The following ARHGEF10 variants were observed in gnomAD, a reference collection of about 807,000 sequenced individuals.
The protein encoded by ARHGEF10 is Rho guanine nucleotide exchange factor (GEF) 10.
ARHGEF10 carries 140 observed loss-of-function variants against 147.4 expected under a neutral mutation model. The ratio of observed to expected loss-of-function variants is 0.95; its 90% CI spans 0.83 to 1.09. The LOEUF (loss-of-function observed/expected upper bound fraction) is 1.09. ARHGEF10 is among the 50% of genes least tolerant of loss of function. The probability of loss-of-function intolerance (pLI) is 0.00; values close to 1 mark genes in which losing one functional copy is unlikely to be tolerated. For synonymous variants in ARHGEF10, 902 were observed against 695.8 expected (o/e 1.30, Z -4.67); for missense variants, 2,222 against 1,752.7 (o/e 1.27, Z -4.78).
chr8:1,888,515 T>G (rs1809001943), intron 11 of ARHGEF10, among the ~76,000 whole-genome samples: 2 of 97,606 alleles, frequency 2.0e-5, no homozygotes, highest in South Asian at 3.4e-4. Context: ...AGATACTGAG[T>G]GGGGTGAGGG....
At chr8:1,856,233 C>G (rs1805545058) in intron 2 of ARHGEF10, among the ~76,000 whole-genome samples, 1 of 152,170 alleles carries the variant, frequency 6.6e-6, no homozygotes, top group Admixed American at 6.5e-5. Flanking sequence ...TTTCTGAATC[C>G]TTTTTCTTGA....
At chr8:1,893,928 C>G (rs966242406) in intron 12 of ARHGEF10, among the ~76,000 whole-genome samples, 1 of 152,030 alleles carries the variant, frequency 6.6e-6, no homozygotes, top group Non-Finnish European at 1.5e-5. Flanking sequence ...AATCCTAGCA[C>G]TTTGGGAGGC....
At position 1,958,139 on chromosome 8, in the gene ARHGEF10, CT is replaced by C. The variant is rs1423294686; in HGVS notation, c.*877del. The C allele has an allele frequency of 6.6e-6, 1 of 152,246 alleles. No individual in the cohort carries two copies. The highest frequency in any genetic ancestry group is 2.4e-5 in the African/African-American group (1 of 41,452). 9.4% of individuals were successfully genotyped at this position (152,246 alleles called of 1,614,324 possible). ...AGTTCCTTCGTGCAGCTTCTTGCCCCTGTTGACGTGGAATGCTGTGTCTGCT... is the reference window on the plus strand; with the variant it reads ...AGTTCCTTCGTGCAGCTTCTTGCCCCGTTGACGTGGAATGCTGTGTCTGCT... On this transcript the variant is annotated 3_prime_UTR_variant, in exon 29 of 29. Transcript: ENST00000349830.
At chr8:1,911,376 C>G (rs1003180323) in intron 18 of ARHGEF10, among the ~76,000 whole-genome samples, 3 of 152,130 alleles carry the variant, frequency 2.0e-5, no homozygotes, top group African/African-American at 7.2e-5. Flanking sequence ...TGCCCAATGC[C>G]TTAAACAGAG....
At chr8:1,906,950 C>T (rs1810942880) in intron 17 of ARHGEF10, among the ~76,000 whole-genome samples, 1 of 152,140 alleles carries the variant, frequency 6.6e-6, no homozygotes, top group South Asian at 2.1e-4. Context: ...GAGAAAGAAC[C>T]CTGTTCATTT....
rs868347550 is a variant in ARHGEF10, at chr8:1,919,952, T to C, written c.2144-3012T>C. Among the ~76,000 whole-genome samples, 235 of 144,988 alleles carry C rather than the reference T, an allele frequency of 1.6e-3. 5 individuals are homozygous for C. Among genetic ancestry groups the C allele is most frequent in the Non-Finnish European group, 2.4e-3 (154 of 65,168 alleles). ...TGTTCTATGGGTGATGGAGCTGTTC[T>C]ATGGGTGATGGAGCTGTTCTGTGGG... On this transcript the variant is annotated intron_variant, in intron 18 of 28. Transcript: ENST00000349830.
chr8:1,899,994 G>A (rs758208682), intron 15 of ARHGEF10, among the ~76,000 whole-genome samples: 3 of 152,242 alleles, frequency 2.0e-5, no homozygotes, highest in Admixed American at 6.5e-5. Context: ...GAGTCCCTGG[G>A]TCGTTCTTGG....
Position 1,928,483 on chromosome 8 carries a change from C to T in ARHGEF10, c.2754C>T (p.Ser918=). 6.2e-7 allele frequency: 1 copy of T among 1,612,694 alleles called. No individual in the cohort carries two copies. The highest frequency in any genetic ancestry group is 2.2e-5 in the East Asian group (1 of 44,714). The part of the protein sequence containing the change: ...GQIAIVSFQN[S]TPKVIECFNV... Reference sequence around the variant, plus strand: ...TTGCCATCGTCTCGTTTCAAAATTCCACTCCCAAAGTCATTGAGTGCTTCA... The same window carrying T: ...TTGCCATCGTCTCGTTTCAAAATTCTACTCCCAAAGTCATTGAGTGCTTCA... Residue 918 remains serine, a synonymous_variant, in exon 24 of 29, where the codon TCC becomes TCT. Coordinates refer to ENST00000349830, the MANE Select transcript of ARHGEF10 (RefSeq NM_014629.4).
rs1403082275 is a variant in ARHGEF10, at chr8:1,859,986, A to C, written c.283A>C (p.Ile95Leu). 6.2e-7 allele frequency: 1 copy of C among 1,614,128 alleles called. No homozygotes were observed. Among genetic ancestry groups the C allele is most frequent in the Non-Finnish European group, 8.5e-7 (1 of 1,180,018 alleles). Residue 95 changes from isoleucine to leucine, a missense_variant, in exon 4 of 29, where the codon ATC (isoleucine) becomes CTC (leucine). Ile to Leu is a conservative substitution (Grantham distance 5). Transcript: ENST00000349830. ...LPMKVNPYSV[I>L]DITPFQEDQP... Reference sequence around the variant, plus strand: ...GATGAAAGTCAACCCATATTCTGTCATCGACATCACGCCATTCCAGGAGGA... The same window carrying C: ...GATGAAAGTCAACCCATATTCTGTCCTCGACATCACGCCATTCCAGGAGGA...
At chr8:1,866,672 G>C in intron 6 of ARHGEF10, 70 bp downstream of exon 6, 2 of 1,388,362 alleles carry the variant, frequency 1.4e-6, no homozygotes, top group Non-Finnish European at 2.0e-6. Context: ...GCGGGGCCGG[G>C]TCCCTGAGTC....
chr8:1,877,859 T>A (rs1220204527), intron 8 of ARHGEF10, among the ~76,000 whole-genome samples: 1 of 152,110 alleles, frequency 6.6e-6, no homozygotes, highest in Non-Finnish European at 1.5e-5. Flanking sequence ...CCCGTGTTAC[T>A]GATAGAGATG....
At chr8:1,907,789 G>A (rs987208101) in intron 17 of ARHGEF10, among the ~76,000 whole-genome samples, 3 of 152,084 alleles carry the variant, frequency 2.0e-5, no homozygotes, top group Non-Finnish European at 4.4e-5. Flanking sequence ...CTTTCCCATG[G>A]ACATGTTGTC....
rs923503903 is a variant in ARHGEF10 at position 1,937,639 on chromosome 8, G to T, written c.3222+3697G>T. Among the ~76,000 whole-genome samples, 2 of 152,218 alleles carry T rather than the reference G, an allele frequency of 1.3e-5. No individual in the cohort carries two copies. The highest frequency in any genetic ancestry group is 2.9e-5 in the Non-Finnish European group (2 of 68,042). On this transcript the variant is annotated intron_variant, in intron 26 of 28. Transcript: ENST00000349830. The surrounding 1 kb of genome is among the most constrained non-coding windows in gnomAD (Gnocchi z 4.9). ...ACATGATATTCATCCTGTCGTTCCC[G>T]TTGTGCAGGGGAACTGTGGCCAGGG...
chr8:1,934,905 A>C (rs1228463905), intron 26 of ARHGEF10, among the ~76,000 whole-genome samples: 1 of 152,226 alleles, frequency 6.6e-6, no homozygotes, highest in African/African-American at 2.4e-5. Context: ...TTGGGAAAAA[A>C]ATTCCTGTAT....
chr8:1,899,851 G>A (rs756921766), intron 15 of ARHGEF10, among the ~76,000 whole-genome samples: 3 of 152,208 alleles, frequency 2.0e-5, no homozygotes, highest in African/African-American at 4.8e-5. Context: ...GGAGTCTGGC[G>A]CTTGGGAGGA....
chr8:1,833,177 G>GAC (rs1283962048), intron 1 of ARHGEF10, among the ~76,000 whole-genome samples: 26 of 125,714 alleles, frequency 2.1e-4, no homozygotes, highest in South Asian at 1.1e-3. Flanking sequence ...CAGAAGCAGA[G>GAC]GGAGGCAGAG....
At chr8:1,909,174 A>G in intron 17 of ARHGEF10, 121 bp from the exon 18 acceptor site, 5 of 1,381,440 alleles carry the variant, frequency 3.6e-6, no homozygotes, top group Non-Finnish European at 5.1e-6. Flanking sequence ...CTATTGTGAG[A>G]AAGTCTGAAG....
At position 1,869,756 on chromosome 8, in the gene ARHGEF10, C is replaced by A. The variant is rs1806933538; in HGVS notation, c.679+506C>A. The A allele has an allele frequency of 9.4e-6, 2 of 212,244 alleles. 1 individual carries two copies. The allele number at this position is 212,244 out of a possible 1,614,324, so 13.1% of individuals were successfully genotyped here. A position where few individuals can be genotyped will look rare whatever the true frequency, so the allele number is the denominator to read the frequency against. ...GCGGAGCACCAGGCCCAGGGTGAAT[C>A]TCCCGAGAGCAACTGGAGAGAAAAC... On this transcript the variant is annotated intron_variant, in intron 7 of 28. Coordinates refer to ENST00000349830, the MANE Select transcript of ARHGEF10 (RefSeq NM_014629.4).
intron 25 of ARHGEF10, 38 bp downstream of exon 25, chr8:1,929,481 G>T: frequency 6.3e-7 from 1 of 1,575,392 alleles, no homozygotes; most frequent in Non-Finnish European, 8.6e-7. Flanking sequence ...CGGTCCTTGG[G>T]GTTCACTCAG....
Sources: gnomAD v4.1 joint callset for allele counts (sites outside exome capture counted in the v4.1 genomes callset) on GRCh38, gnomAD v4.1.1 for gene constraint, Gnocchi (gnomAD v3.1) non-coding constraint, MANE v1.5 for transcripts, NCBI Gene and HGNC (gene_info 2026-07-23, HGNC 2026-07-21) for gene names.